RBM46: variants seen among roughly 807,000 people sequenced by gnomAD.
RBM46 encodes RNA binding motif protein 46.
RBM46 carries 12 observed loss-of-function variants against 43.3 expected under a neutral mutation model. The ratio of observed to expected loss-of-function variants is 0.28; its 90% CI spans 0.18 to 0.45. RBM46 has a LOEUF of 0.45. Ranked by LOEUF, RBM46 falls within the 20% of genes least tolerant of loss-of-function variation. The pLI is 1.00. For synonymous variants in RBM46, 205 were observed against 207.6 expected, an observed-to-expected ratio of 0.99 and a Z score of 0.11; for missense variants, 412 against 639.1, an observed-to-expected ratio of 0.64 and a Z score of 3.83.
chr4:154,807,272 A>G (rs1734951387), intron 4 of RBM46, among the ~76,000 whole-genome samples: 1 of 151,550 alleles, frequency 6.6e-6, no homozygotes, highest in Non-Finnish European at 1.5e-5. Context: ...CTAAATACGT[A>G]TTTTTAATGT....
At chr4:154,813,317 A>G (rs1206230542) in intron 4 of RBM46, among the ~76,000 whole-genome samples, 1 of 152,150 alleles carries the variant, frequency 6.6e-6, no homozygotes, top group African/African-American at 2.4e-5. Flanking sequence ...TTACCAGTAT[A>G]TAATTTTTAA....
chr4:154,804,561 C>T (rs1217294996), intron 4 of RBM46, among the ~76,000 whole-genome samples: 2 of 152,114 alleles, frequency 1.3e-5, no homozygotes, highest in African/African-American at 4.8e-5. Context: ...CTGGAGAATA[C>T]TTAGTGGAAA....
intron 4 of RBM46, among the ~76,000 whole-genome samples, chr4:154,818,645 G>A (rs567946517): frequency 1.3e-3 from 195 of 152,058 alleles, no homozygotes; most frequent in Non-Finnish European, 2.4e-3. Context: ...TAAGTTCTGC[G>A]TTATTGTGTT....
At chr4:154,788,042 T>C (rs917593394) in intron 1 of RBM46, among the ~76,000 whole-genome samples, 1 of 152,234 alleles carries the variant, frequency 6.6e-6, no homozygotes, top group African/African-American at 2.4e-5. Context: ...TTTGATTTTT[T>C]TTCTTGTAAA....
In RBM46 at chr4:154,799,136, C is replaced by A; in HGVS notation, c.974C>A (p.Pro325Gln). 4.3e-6 allele frequency: 7 copies of A among 1,613,948 alleles called. No individual in the cohort carries two copies. Among genetic ancestry groups the A allele is most frequent in the Non-Finnish European group, 5.9e-6 (7 of 1,179,966 alleles). ...WRQHLNGQIS[P>Q]NSENLIVFAN... ...CAGCATCTTAATGGTCAGATTAGTC[C>A]AAATTCTGAAAATCTGATTGTGTTT... The change falls in exon 4 of 5, where the codon CCA becomes CAA. Residue 325 changes from proline (P) to glutamine (Q), a missense_variant. Coordinates refer to ENST00000281722, the MANE Select transcript of RBM46 (RefSeq NM_144979.5).
intron 4 of RBM46, among the ~76,000 whole-genome samples, chr4:154,807,609 C>T (rs554691385): frequency 1.4e-4 from 21 of 151,858 alleles, no homozygotes; most frequent in African/African-American, 4.8e-4. Flanking sequence ...ATAGTATCTG[C>T]CCTTACTAGT....
chr4:154,812,994 C>T (rs376114663), intron 4 of RBM46, among the ~76,000 whole-genome samples: 19 of 152,036 alleles, frequency 1.2e-4, no homozygotes, highest in African/African-American at 4.6e-4. Flanking sequence ...ATTTTTCTTC[C>T]ATCAGTGTAT....
chr4:154,797,359 A>C (rs1262952805), intron 2 of RBM46, among the ~76,000 whole-genome samples: 5 of 152,178 alleles, frequency 3.3e-5, no homozygotes, highest in Non-Finnish European at 5.9e-5. Context: ...TAAAATAAAA[A>C]TCTGGCTTCT....
chr4:154,825,202 G>C (rs896327151), intron 4 of RBM46, among the ~76,000 whole-genome samples: 1 of 151,834 alleles, frequency 6.6e-6, no homozygotes, highest in East Asian at 1.9e-4. Flanking sequence ...AAAAACTAGG[G>C]GTGGGCAAAT....
At chr4:154,825,010 A>G (rs1735892297) in intron 4 of RBM46, among the ~76,000 whole-genome samples, 1 of 152,134 alleles carries the variant, frequency 6.6e-6, no homozygotes, top group Non-Finnish European at 1.5e-5. Context: ...GGATGTATGC[A>G]TTTTATTTTA....
In RBM46 at chr4:154,800,942, A is replaced by G. The variant is rs1312129215; in HGVS notation, c.1402+1378A>G. Among the ~76,000 whole-genome samples, 6 of 151,482 alleles carry G rather than the reference A, an allele frequency of 4.0e-5. 1 individual carries two copies. The highest frequency in any genetic ancestry group is 6.8e-3 in the Middle Eastern group (2 of 294). ...ATATTGTTTAGGCTTGCTTTTATAT[A>G]TTGTTTAGGCTTACCATAGCCACTG... On this transcript the variant is annotated intron_variant, in intron 4 of 4. Coordinates refer to ENST00000281722, the MANE Select transcript of RBM46 (RefSeq NM_144979.5).
At chr4:154,826,155 A>G (rs1242582527) in intron 4 of RBM46, among the ~76,000 whole-genome samples, 1 of 151,700 alleles carries the variant, frequency 6.6e-6, no homozygotes, top group East Asian at 1.9e-4. Flanking sequence ...CTTTTAAAAA[A>G]AAAAAAAGAA....
intron 4 of RBM46, among the ~76,000 whole-genome samples, chr4:154,815,997 A>G (rs1443926019): frequency 6.6e-6 from 1 of 151,944 alleles, no homozygotes; most frequent in Non-Finnish European, 1.5e-5. Context: ...TTTTCCCATG[A>G]CTCTGCAGTG....
rs1406625903 is a variant in RBM46, at chr4:154,827,956, T to G, written c.1491T>G (p.Thr497=). ...GGACTCCCAGCGTGCTTCCTTATACTTCAAGGCCTTATTCTTATCCAGGCT... is the reference window on the plus strand; with the variant it reads ...GGACTCCCAGCGTGCTTCCTTATACGTCAAGGCCTTATTCTTATCCAGGCT... ...SSGTPSVLPY[T]SRPYSYPGYP... Residue 497 remains threonine (T), a synonymous_variant, in exon 5 of 5, where the codon ACT becomes ACG. Transcript: ENST00000281722. 6.2e-7 allele frequency: 1 copy of G among 1,613,980 alleles called. No homozygotes were observed. The highest frequency in any genetic ancestry group is 8.5e-7 in the Non-Finnish European group (1 of 1,179,868).
intron 1 of RBM46, among the ~76,000 whole-genome samples, chr4:154,791,177 G>T (rs1171829176): frequency 1.3e-5 from 2 of 152,200 alleles, no homozygotes; most frequent in Non-Finnish European, 2.9e-5. Context: ...GTTAAAGCTG[G>T]AAAGTTCTTT....
At chr4:154,789,521 A>G (rs1733969113) in intron 1 of RBM46, among the ~76,000 whole-genome samples, 1 of 152,198 alleles carries the variant, frequency 6.6e-6, no homozygotes, top group East Asian at 1.9e-4. Context: ...CTGGGGATGA[A>G]GCCCACTTGA....
At chr4:154,802,856 T>A (rs950784300) in intron 4 of RBM46, among the ~76,000 whole-genome samples, 6 of 152,286 alleles carry the variant, frequency 3.9e-5, no homozygotes, top group African/African-American at 1.4e-4. Flanking sequence ...GGAATTACCA[T>A]CCAATCTTAA....
chr4:154,800,695 AT>A (rs1734593078), intron 4 of RBM46, among the ~76,000 whole-genome samples: 1 of 148,652 alleles, frequency 6.7e-6, no homozygotes, highest in East Asian at 2.0e-4. Flanking sequence ...AATAATATTT[AT>A]TGGAAGAGTA....
chr4:154,820,056 CTTCTT>C (rs1735654529), intron 4 of RBM46, among the ~76,000 whole-genome samples: 1 of 151,942 alleles, frequency 6.6e-6, no homozygotes, highest in African/African-American at 2.4e-5. Context: ...TTTAGAGTCT[CTTCTT>C]TATCTTAGCA....
Sources: allele counts gnomAD v4.1 joint callset (sites outside exome capture counted in the v4.1 genomes callset), GRCh38; gene constraint gnomAD v4.1.1; transcripts MANE v1.5; gene names NCBI Gene and HGNC (gene_info 2026-07-23, HGNC 2026-07-21).